Variants in RMND5A observed in about 807,000 individuals in gnomAD.
RMND5A encodes E3 ubiquitin-protein transferase RMND5A.
RMND5A carries 17 observed loss-of-function variants against 49.7 expected under a neutral mutation model. The ratio of observed to expected loss-of-function variants is 0.34; its 90% CI spans 0.23 to 0.51. The LOEUF is 0.51. Among genes scored for constraint, RMND5A ranks in the 20% least tolerant of loss-of-function variants. RMND5A has a pLI of 0.96. For missense variants in RMND5A, 255 were observed against 471.3 expected (o/e 0.54, Z 4.25); for synonymous variants, 156 against 167.7 (o/e 0.93, Z 0.54).
In RMND5A at chr2:86,720,736, G is replaced by T. The variant is rs767078877; in HGVS notation, c.69G>T (p.Gln23His). 5.7e-6 allele frequency: 9 copies of T among 1,590,420 alleles called. 1 individual carries two copies. In the Admixed American group the frequency reaches 8.7e-5, roughly 15 times the overall value. Residue 23 changes from glutamine to histidine, a missense_variant, in exon 1 of 9, where the codon CAG (glutamine) becomes CAT (histidine). This residue lies in a region of RMND5A where 42 missense variants were observed against 59.9 expected (regional missense o/e 0.70). Transcript: ENST00000283632. ...TGCACAAGTTCTCAGGCTACGGGCA[G>T]CTGTGCGAGCGCGGCCTGGAGGAGC... is the stretch of plus-strand genomic sequence containing the variant. The part of the protein sequence containing the change: ...KVLHKFSGYG[Q>H]LCERGLEELI...
chr2:86,769,227 T>C (rs1361085299), intron 6 of RMND5A, among the ~76,000 whole-genome samples: 1 of 152,134 alleles, frequency 6.6e-6, no homozygotes, highest in East Asian at 1.9e-4. Flanking sequence ...ATTACAGGAG[T>C]GAGCCACCAC....
chr2:86,765,935 T>C lies in RMND5A; in HGVS notation c.765T>C (p.Asp255=), dbSNP rs371831525. 1.7e-5 allele frequency: 28 copies of C among 1,614,084 alleles called. No homozygotes were observed. Among genetic ancestry groups the C allele is most frequent in the Non-Finnish European group, 2.4e-5 (28 of 1,180,032 alleles). ...ACTCACCATATGTTCACCTACTTGA[T>C]GCAAACCAGTGGGCTGATATCTGTG... ...IENSPYVHLL[D]ANQWADICDI... The change falls in exon 6 of 9, where the codon GAT becomes GAC. Residue 255 remains aspartate (D), a synonymous_variant. Coordinates refer to ENST00000283632, the MANE Select transcript of RMND5A (RefSeq NM_022780.4).
chr2:86,753,024 A>G (rs1409442714), intron 3 of RMND5A, among the ~76,000 whole-genome samples: 1 of 152,176 alleles, frequency 6.6e-6, no homozygotes, highest in African/African-American at 2.4e-5. Flanking sequence ...CTTGCACAGA[A>G]ATCGGTAGTA....
intron 1 of RMND5A, chr2:86,721,140 C>A (rs1205306763): frequency 7.8e-6 from 2 of 254,842 alleles, no homozygotes; most frequent in Non-Finnish European, 1.5e-5. Flanking sequence ...CCTCGTCCCC[C>A]GCTCCCAGCC....
chr2:86,762,118 A>C (rs1182550976), intron 4 of RMND5A, among the ~76,000 whole-genome samples: 2 of 152,224 alleles, frequency 1.3e-5, no homozygotes, highest in Admixed American at 1.3e-4. Flanking sequence ...ATACATGTTC[A>C]TTACAGAAAA....
intron 4 of RMND5A, among the ~76,000 whole-genome samples, chr2:86,756,431 T>G (rs1470167805): frequency 1.3e-5 from 2 of 152,104 alleles, no homozygotes; most frequent in Admixed American, 1.3e-4. Flanking sequence ...AATCCTACAG[T>G]AAAGAAACTC....
chr2:86,768,742 G>C (rs1483716488), intron 6 of RMND5A, among the ~76,000 whole-genome samples: 1 of 152,174 alleles, frequency 6.6e-6, no homozygotes, highest in African/African-American at 2.4e-5. Flanking sequence ...GGACACAGCT[G>C]AGAGTTGGCT....
Position 86,775,953 on chromosome 2 carries a change from C to T in RMND5A, c.*2542C>T, listed in dbSNP as rs932827516. The T allele has an allele frequency of 1.1e-4, 16 of 152,314 alleles. No homozygotes were observed. The highest frequency in any genetic ancestry group is 3.6e-4 in the African/African-American group (15 of 41,578). 9.4% of individuals were successfully genotyped at this position (152,314 alleles called of 1,614,324 possible). Reference sequence around the variant, plus strand: ...CAGTCCAGGAGGATGCTTTTTGTCTCTCTTTGCCTCCACTTTACAAAAGAT... The same window carrying T: ...CAGTCCAGGAGGATGCTTTTTGTCTTTCTTTGCCTCCACTTTACAAAAGAT... On this transcript the variant is annotated 3_prime_UTR_variant, in exon 9 of 9. Transcript: ENST00000283632.
At chr2:86,744,739 T>C (rs1356274070) in intron 2 of RMND5A, among the ~76,000 whole-genome samples, 2 of 152,052 alleles carry the variant, frequency 1.3e-5, no homozygotes, top group Non-Finnish European at 2.9e-5. Flanking sequence ...TGGAGTGCAG[T>C]GACACCATCA....
chr2:86,765,572 T>G, intron 5 of RMND5A: 1 of 376,590 alleles, frequency 2.7e-6, no homozygotes, highest in Non-Finnish European at 4.8e-6. Context: ...CAGTCAGAGA[T>G]AATGTGATGA....
intron 1 of RMND5A, among the ~76,000 whole-genome samples, chr2:86,738,539 T>A (rs1681418262): frequency 1.7e-5 from 1 of 59,410 alleles, no homozygotes; most frequent in Non-Finnish European, 3.3e-5. Context: ...CGAGACCCTG[T>A]CTCAAAAAAA....
At chr2:86,757,105 C>T (rs1453274791) in intron 4 of RMND5A, among the ~76,000 whole-genome samples, 5 of 144,114 alleles carry the variant, frequency 3.5e-5, no homozygotes, top group Admixed American at 1.5e-4. Flanking sequence ...ACCCGGGAGG[C>T]GGAGGTTGCG....
chr2:86,720,956 C>CTT (rs1180269754), intron 1 of RMND5A, 147 bp downstream of exon 1: 1 of 625,538 alleles, frequency 1.6e-6, no homozygotes, highest in Non-Finnish European at 2.5e-6. Context: ...ACCCCTGAGA[C>CTT]TTTTTCCCCT....
rs192677754 is a variant in RMND5A at position 86,764,680 on chromosome 2, G to A, written c.522-347G>A. The stretch of plus-strand genomic sequence containing the variant: ...TGCTTGTATATATTAGGCCAGTTTT[G>A]TAGGAAAAGAGCAGTGGATCTAGGC... On this transcript the variant is annotated intron_variant, in intron 4 of 8. Transcript: ENST00000283632. 2.4e-4 allele frequency among the ~76,000 whole-genome samples: 36 copies of A among 152,316 alleles called. No homozygotes were observed. The South Asian group carries it at 7.2e-3, about 31-fold the overall frequency.
chr2:86,765,316 T>TA (rs1672572008), intron 5 of RMND5A, 123 bp downstream of exon 5: 2 of 864,008 alleles, frequency 2.3e-6, no homozygotes, highest in Middle Eastern at 3.4e-4. Flanking sequence ...GATAATCACT[T>TA]ACAGGAAAAG....
intron 1 of RMND5A, among the ~76,000 whole-genome samples, chr2:86,732,173 G>A (rs1681342790): frequency 8.2e-6 from 1 of 122,524 alleles, no homozygotes; most frequent in South Asian, 2.5e-4. Flanking sequence ...CCTTTAAACT[G>A]CCTTTTATAG....
chr2:86,770,905 G>C (rs543764928), intron 7 of RMND5A, among the ~76,000 whole-genome samples: 1 of 152,324 alleles, frequency 6.6e-6, no homozygotes, highest in South Asian at 2.1e-4. Context: ...TGTCGTTCCT[G>C]TCATGATTGT....
chr2:86,762,384 C>T (rs1449772017), intron 4 of RMND5A, among the ~76,000 whole-genome samples: 1 of 152,158 alleles, frequency 6.6e-6, no homozygotes, highest in Non-Finnish European at 1.5e-5. Flanking sequence ...GTGGCTCACG[C>T]CTGTAATCCC....
intron 6 of RMND5A, 89 bp from the exon 7 acceptor site, chr2:86,769,934 C>A: frequency 1.2e-6 from 1 of 866,122 alleles, no homozygotes; most frequent in Non-Finnish European, 1.9e-6. Flanking sequence ...GGGTCTGCAG[C>A]ACATAGAGTC....
Sources: gnomAD v4.1 joint callset for allele counts (sites outside exome capture counted in the v4.1 genomes callset) on GRCh38, gnomAD v4.1.1 for gene constraint, gnomAD v4.1.1 regional missense constraint, MANE v1.5 for transcripts, NCBI Gene and HGNC (gene_info 2026-07-23, HGNC 2026-07-21) for gene names.